Variants in NCAM2 observed in about 807,000 individuals in gnomAD.
The protein encoded by NCAM2 is N-CAM-2.
NCAM2 carries 30 observed loss-of-function variants against 98.1 expected under a neutral mutation model. The observed-to-expected ratio is 0.31, with a 90% CI of 0.23 to 0.41. NCAM2 has a LOEUF of 0.41. Among genes scored for constraint, NCAM2 ranks in the 10% least tolerant of loss-of-function variants. The pLI is 1.00. For synonymous variants in NCAM2, 368 were observed against 342.4 expected (o/e 1.07, Z -0.83); for missense variants, 867 against 1,005.8 (o/e 0.86, Z 1.87).
intron 10 of NCAM2, among the ~76,000 whole-genome samples, chr21:21,414,551 C>G (rs2054516171): frequency 6.6e-6 from 1 of 150,852 alleles, no homozygotes; most frequent in Non-Finnish European, 1.5e-5. Flanking sequence ...ACTCACTGCA[C>G]CTCCGCTTCC....
At chr21:21,296,187 A>G (rs1217089694) in intron 5 of NCAM2, among the ~76,000 whole-genome samples, 1 of 151,846 alleles carries the variant, frequency 6.6e-6, no homozygotes, top group Non-Finnish European at 1.5e-5. Flanking sequence ...AATCAACTTT[A>G]CTAAAGTCCT....
chr21:21,051,332 C>T (rs372086501), intron 1 of NCAM2, among the ~76,000 whole-genome samples: 9 of 152,262 alleles, frequency 5.9e-5, no homozygotes, highest in Middle Eastern at 6.8e-3. Flanking sequence ...TCTGCATCTT[C>T]GCTTCCCCTT....
chr21:21,388,254 C>G (rs232432), intron 9 of NCAM2, among the ~76,000 whole-genome samples: 56,710 of 152,070 alleles, frequency 0.37, 10,867 homozygotes, highest in East Asian at 0.58. Context: ...ATACACTAGC[C>G]TTCTATTTGG....
intron 8 of NCAM2, among the ~76,000 whole-genome samples, chr21:21,338,738 G>A (rs977992966): frequency 1.3e-5 from 2 of 152,084 alleles, no homozygotes; most frequent in Non-Finnish European, 2.9e-5. Context: ...ATTTAAAGAT[G>A]TTCTTTATTA....
intron 1 of NCAM2, among the ~76,000 whole-genome samples, chr21:21,051,347 C>A (rs2065104595): frequency 6.6e-6 from 1 of 152,186 alleles, no homozygotes; most frequent in Non-Finnish European, 1.5e-5. Context: ...CCCCTTTTCA[C>A]ATGTGTTGAT....
intron 12 of NCAM2, among the ~76,000 whole-genome samples, chr21:21,439,730 C>G (rs1293749079): frequency 6.6e-6 from 1 of 152,156 alleles, no homozygotes; most frequent in African/African-American, 2.4e-5. Context: ...ATATAGCCAG[C>G]ATTCAAAAAA....
chr21:21,372,282 T>C (rs2075935757), intron 8 of NCAM2, among the ~76,000 whole-genome samples: 1 of 151,754 alleles, frequency 6.6e-6, no homozygotes, highest in Non-Finnish European at 1.5e-5. Context: ...TGAAATACCA[T>C]TTAAATAAGC....
intron 1 of NCAM2, among the ~76,000 whole-genome samples, chr21:21,088,012 A>C (rs2065937840): frequency 1.3e-5 from 2 of 152,188 alleles, no homozygotes; most frequent in Non-Finnish European, 2.9e-5. Flanking sequence ...CCTTGAAATA[A>C]ATATTTTCTC....
chr21:21,303,459 C>T (rs2073786366), intron 5 of NCAM2, among the ~76,000 whole-genome samples: 2 of 151,946 alleles, frequency 1.3e-5, no homozygotes, highest in South Asian at 2.1e-4. Context: ...AATATGTCAT[C>T]TCTTTTTATT....
chr21:21,506,443 A>AT (rs932222242), intron 15 of NCAM2, among the ~76,000 whole-genome samples: 4 of 151,962 alleles, frequency 2.6e-5, no homozygotes, highest in Admixed American at 6.6e-5. Context: ...ATATACCATG[A>AT]TTTTTTTTAA....
At chr21:21,214,769 TA>T (rs2069821409) in intron 1 of NCAM2, among the ~76,000 whole-genome samples, 2 of 117,624 alleles carry the variant, frequency 1.7e-5, no homozygotes, top group Non-Finnish European at 3.8e-5. Context: ...CACATATATG[TA>T]ATATATATAT....
At chr21:21,408,378 G>A (rs1602247063) in intron 9 of NCAM2, among the ~76,000 whole-genome samples, 1 of 152,036 alleles carries the variant, frequency 6.6e-6, no homozygotes, top group Non-Finnish European at 1.5e-5. Context: ...ATGTTAAGTT[G>A]TTTTCAGTTT....
intron 1 of NCAM2, among the ~76,000 whole-genome samples, chr21:21,017,937 A>G (rs979139719): frequency 6.6e-6 from 1 of 152,142 alleles, no homozygotes; most frequent in Admixed American, 6.6e-5. Context: ...TGGGGAAACC[A>G]TTCTATGCTG....
intron 9 of NCAM2, among the ~76,000 whole-genome samples, chr21:21,386,162 A>T (rs74808890): frequency 0.014 from 2,165 of 152,238 alleles, 37 homozygotes; most frequent in East Asian, 0.089. Flanking sequence ...TCTGAATATA[A>T]CAGTGGATGT....
chr21:21,348,279 A>G (rs1015324821), intron 8 of NCAM2, among the ~76,000 whole-genome samples: 28 of 152,178 alleles, frequency 1.8e-4, no homozygotes, highest in African/African-American at 5.8e-4. Context: ...TACAAAATCA[A>G]CATACAAAAA....
At chr21:21,465,103 T>G (rs553417618) in intron 12 of NCAM2, among the ~76,000 whole-genome samples, 57 of 152,264 alleles carry the variant, frequency 3.7e-4, no homozygotes, top group Non-Finnish European at 7.4e-4. Flanking sequence ...TAATTTTTTT[T>G]GTTGATTTTA....
chr21:21,038,626 C>T (rs2064844776), intron 1 of NCAM2, among the ~76,000 whole-genome samples: 1 of 152,212 alleles, frequency 6.6e-6, no homozygotes, highest in Admixed American at 6.5e-5. Context: ...GCTTCTCCTT[C>T]CACCAAGGTT....
At chr21:21,252,920 A>G (rs952948929) in intron 1 of NCAM2, among the ~76,000 whole-genome samples, 1 of 152,118 alleles carries the variant, frequency 6.6e-6, no homozygotes, top group Admixed American at 6.6e-5. Context: ...CTTTTAGTGA[A>G]CATCCGAAGC....
chr21:21,264,955 G>GTATGTGTATATATA (rs1274206100), intron 1 of NCAM2, among the ~76,000 whole-genome samples: 12 of 80,820 alleles, frequency 1.5e-4, no homozygotes, highest in Non-Finnish European at 2.6e-4. Context: ...ATATATATGT[G>GTATGTGTATATATA]TATGTGTATA....
Sources: gnomAD v4.1 joint callset for allele counts (sites outside exome capture counted in the v4.1 genomes callset) on GRCh38, gnomAD v4.1.1 for gene constraint, MANE v1.5 for transcripts, NCBI Gene and HGNC (gene_info 2026-07-23, HGNC 2026-07-21) for gene names.